The following HDAC9 variants were observed in gnomAD, a reference collection of about 807,000 sequenced individuals.
HDAC9 encodes the protein MEF-2 interacting transcription repressor (MITR) protein.
In HDAC9, 41 loss-of-function variants were observed where a neutral mutation model predicts 139.4. That is an observed-to-expected ratio of 0.29 (90% confidence interval 0.23 to 0.38). HDAC9 has a LOEUF of 0.38. Among genes scored for constraint, HDAC9 ranks in the 10% least tolerant of loss-of-function variants. The probability of loss-of-function intolerance (pLI) is 1.00; values close to 1 mark genes in which losing one functional copy is unlikely to be tolerated. For missense variants in HDAC9, 1,147 were observed against 1,297.0 expected (o/e 0.88, Z 1.78); for synonymous variants, 517 against 476.2 (o/e 1.09, Z -1.12).
intron 22 of HDAC9, among the ~76,000 whole-genome samples, chr7:18,908,286 A>C (rs1185007045): frequency 1.3e-5 from 2 of 152,148 alleles, no homozygotes; most frequent in African/African-American, 4.8e-5. Context: ...TATATGGTAC[A>C]GAGTAATATT....
intron 2 of HDAC9, among the ~76,000 whole-genome samples, chr7:18,562,408 A>T (rs898951146): frequency 3.9e-5 from 6 of 152,146 alleles, no homozygotes; most frequent in Non-Finnish European, 7.4e-5. Flanking sequence ...AGATTTACTC[A>T]CGTATTTTCT....
intron 2 of HDAC9, among the ~76,000 whole-genome samples, chr7:18,220,273 TGC>T (rs1792605397): frequency 1.3e-5 from 2 of 152,286 alleles, no homozygotes; most frequent in Admixed American, 6.5e-5. Flanking sequence ...TGAAGAGTTT[TGC>T]AATTATCGCA....
At chr7:18,988,211 T>G (rs1054603345) in intron 25 of HDAC9, among the ~76,000 whole-genome samples, 1 of 152,212 alleles carries the variant, frequency 6.6e-6, no homozygotes, top group African/African-American at 2.4e-5. Context: ...GTGCTGTAAA[T>G]TTTCCTCTAC....
intron 11 of HDAC9, among the ~76,000 whole-genome samples, chr7:18,652,087 T>A (rs1043828067): frequency 1.3e-5 from 2 of 152,150 alleles, no homozygotes; most frequent in African/African-American, 4.8e-5. Context: ...CAGAAATGCA[T>A]TAAACAGGTT....
chr7:18,297,275 C>T (rs1240210179), intron 1 of HDAC9, among the ~76,000 whole-genome samples: 1 of 152,080 alleles, frequency 6.6e-6, no homozygotes, highest in Admixed American at 6.6e-5. Flanking sequence ...TAATTAAAAA[C>T]TGTTTTATGT....
At chr7:18,333,720 A>G (rs1402484948) in intron 1 of HDAC9, among the ~76,000 whole-genome samples, 1 of 151,436 alleles carries the variant, frequency 6.6e-6, no homozygotes, top group Non-Finnish European at 1.5e-5. Flanking sequence ...TCATTTAGGT[A>G]TTTTTTAAGG....
At chr7:18,776,368 C>T (rs554764349) in intron 16 of HDAC9, among the ~76,000 whole-genome samples, 2 of 152,178 alleles carry the variant, frequency 1.3e-5, no homozygotes, top group East Asian at 3.9e-4. Flanking sequence ...TGCTTCTGAA[C>T]TTACTATACT....
intron 1 of HDAC9, among the ~76,000 whole-genome samples, chr7:18,340,265 TATA>T (rs571897421): frequency 2.0e-5 from 3 of 151,674 alleles, no homozygotes; most frequent in African/African-American, 7.2e-5. Context: ...GAGTCATATT[TATA>T]ATGAGTACCT....
rs1025070068 is a variant in HDAC9 at position 18,846,210 on chromosome 7, G to A, written c.2684+10213G>A. On this transcript the variant is annotated intron_variant, in intron 21 of 25. Coordinates refer to ENST00000686413, the MANE Select transcript of HDAC9 (RefSeq NM_178425.4). The stretch of plus-strand genomic sequence containing the variant: ...CCTGAATATTTTCTTTTCTGAAGCA[G>A]TATCACCATATCACTCACCGACTCC... 2.0e-5 allele frequency among the ~76,000 whole-genome samples: 3 copies of A among 152,112 alleles called. No homozygotes were observed. The South Asian group carries it at 6.2e-4, about 32-fold the overall frequency.
intron 2 of HDAC9, among the ~76,000 whole-genome samples, chr7:18,230,608 T>C (rs1049771720): frequency 2.0e-5 from 3 of 152,198 alleles, no homozygotes; most frequent in Non-Finnish European, 4.4e-5. Flanking sequence ...GTCGTTTTGC[T>C]CAGTCTGGGT....
chr7:18,584,419 C>T (rs890574177), intron 2 of HDAC9, among the ~76,000 whole-genome samples: 2 of 152,038 alleles, frequency 1.3e-5, no homozygotes, highest in African/African-American at 4.8e-5. Context: ...TGAGCCACCG[C>T]GCCGGGCCCT....
chr7:18,714,136 A>G (rs1784538215), intron 12 of HDAC9, among the ~76,000 whole-genome samples: 1 of 152,212 alleles, frequency 6.6e-6, no homozygotes, highest in Admixed American at 6.5e-5. Flanking sequence ...CCTAATTTGC[A>G]TCTTTGTAAA....
At chr7:18,753,499 T>C (rs1788621053) in intron 14 of HDAC9, among the ~76,000 whole-genome samples, 1 of 152,102 alleles carries the variant, frequency 6.6e-6, no homozygotes, top group South Asian at 2.1e-4. Context: ...ATAAGGAATC[T>C]CAATTCTGCT....
chr7:18,174,406 G>C (rs1360645925), intron 2 of HDAC9, among the ~76,000 whole-genome samples: 1 of 152,124 alleles, frequency 6.6e-6, no homozygotes, highest in Non-Finnish European at 1.5e-5. Flanking sequence ...TCCTCCTTTA[G>C]CTTGGAGAAG....
At chr7:18,195,797 C>T (rs180971375) in intron 2 of HDAC9, among the ~76,000 whole-genome samples, 18 of 152,214 alleles carry the variant, frequency 1.2e-4, no homozygotes, top group African/African-American at 3.6e-4. Flanking sequence ...ATTCTTTATA[C>T]TCAATATGTT....
At chr7:18,696,575 C>A (rs569593759) in intron 12 of HDAC9, among the ~76,000 whole-genome samples, 26 of 151,598 alleles carry the variant, frequency 1.7e-4, no homozygotes, top group African/African-American at 6.3e-4. Flanking sequence ...TCAAGCGATT[C>A]TCTTGCCTCA....
chr7:18,829,378 TA>T, intron 18 of HDAC9, 82 bp from the exon 19 acceptor site: 7 of 1,221,910 alleles, frequency 5.7e-6, no homozygotes, highest in Admixed American at 1.8e-5. Flanking sequence ...ATATAGCATT[TA>T]AAAAAATGCT....
intron 13 of HDAC9, among the ~76,000 whole-genome samples, chr7:18,733,337 A>ATG (rs928911030): frequency 2.0e-5 from 3 of 149,796 alleles, no homozygotes; most frequent in African/African-American, 7.3e-5. Context: ...ATATATGTGT[A>ATG]TGTGTGTGTG....
intron 1 of HDAC9, among the ~76,000 whole-genome samples, chr7:18,135,283 A>T: frequency 1.4e-5 from 2 of 146,020 alleles, no homozygotes; most frequent in Non-Finnish European, 3.0e-5. Context: ...AAAAGGTAGT[A>T]TTTACCATAT....
Sources: allele counts gnomAD v4.1 joint callset (sites outside exome capture counted in the v4.1 genomes callset), GRCh38; gene constraint gnomAD v4.1.1; transcripts MANE v1.5; gene names NCBI Gene and HGNC (gene_info 2026-07-23, HGNC 2026-07-21).